The following GATA6 variants were observed in gnomAD, a reference collection of about 807,000 sequenced individuals.
The protein encoded by GATA6 is transcription factor GATA-6.
Under a neutral mutation model 48.1 loss-of-function variants are expected in GATA6, and 11 were observed. The ratio of observed to expected loss-of-function variants is 0.23; its 90% CI spans 0.14 to 0.38. GATA6 has a LOEUF of 0.38. Ranked by LOEUF, GATA6 falls within the 10% of genes least tolerant of loss-of-function variation. GATA6 has a pLI of 1.00. For synonymous variants in GATA6, 419 were observed against 396.1 expected (o/e 1.06, Z -0.69); for missense variants, 795 against 850.3 (o/e 0.93, Z 0.81).
intron 6 of GATA6, 23 bp from the exon 7 acceptor site, chr18:22,200,633 T>A (rs771064620): frequency 6.2e-7 from 1 of 1,614,214 alleles, no homozygotes; most frequent in Non-Finnish European, 8.5e-7. Flanking sequence ...TCGTCTCTCC[T>A]CTGTGTCCCC....
intron 6 of GATA6, among the ~76,000 whole-genome samples, chr18:22,194,021 C>CT (rs142251544): frequency 0.019 from 2,827 of 151,658 alleles, 92 homozygotes; most frequent in African/African-American, 0.065. Context: ...AATCAGAAAT[C>CT]TTTGACTTTT....
intron 6 of GATA6, 61 bp downstream of exon 6, chr18:22,183,104 A>C: frequency 4.7e-6 from 6 of 1,280,488 alleles, no homozygotes; most frequent in Non-Finnish European, 6.8e-6. Flanking sequence ...AAATTATCTC[A>C]AATTTTATCT....
chr18:22,187,791 G>A (rs1347050493), intron 6 of GATA6, among the ~76,000 whole-genome samples: 9 of 151,908 alleles, frequency 5.9e-5, no homozygotes, highest in Admixed American at 4.6e-4. Flanking sequence ...TTTGTAATAG[G>A]AGGGATTAAC....
At chr18:22,177,944 GTTTTTTTGTTTTT>G (rs1234118523) in intron 3 of GATA6, among the ~76,000 whole-genome samples, 11 of 77,886 alleles carry the variant, frequency 1.4e-4, no homozygotes, top group African/African-American at 6.9e-4. Flanking sequence ...ACGTTTTACT[GTTTTTTTGTTTTT>G]TTTTTTTTTT....
At chr18:22,179,051 A>C (rs1213513930) in intron 3 of GATA6, among the ~76,000 whole-genome samples, 1 of 152,220 alleles carries the variant, frequency 6.6e-6, no homozygotes, top group Non-Finnish European at 1.5e-5. Context: ...TGTACCAGTA[A>C]AAATAACTTA....
chr18:22,177,151 GCGGCCGGCCCCGGGCTCTCCTGGCC>G (rs754976309), intron 3 of GATA6, 30 bp downstream of exon 3: 39 of 1,534,514 alleles, frequency 2.5e-5, no homozygotes, highest in African/African-American at 2.3e-4. Flanking sequence ...CCCCTGGCTC[GCGGCCGGCCCCGGGCTCTCCTGGCC>G]CGGCCGGCCC....
chr18:22,173,925 G>A (rs528438996), intron 2 of GATA6, among the ~76,000 whole-genome samples: 1 of 152,348 alleles, frequency 6.6e-6, no homozygotes, highest in East Asian at 1.9e-4. Context: ...GTGAGCCACC[G>A]CGCCCAGCGA....
Position 22,182,862 on chromosome 18 carries a change from A to T in GATA6, c.1516+18A>T. 1 of 1,606,304 alleles carries T rather than the reference A, an allele frequency of 6.2e-7. No individual in the cohort carries two copies. The highest frequency in any genetic ancestry group is 1.3e-5 in the African/African-American group (1 of 74,882). On this transcript the variant is annotated intron_variant, in intron 5 of 6. Transcript: ENST00000269216. ...TTGCTCTGGTAAATATACTAAAATGACGTTTGACTGTAAAGTATTTGCCAA... is the reference window on the plus strand; with the variant it reads ...TTGCTCTGGTAAATATACTAAAATGTCGTTTGACTGTAAAGTATTTGCCAA...
chr18:22,188,975 T>G (rs1426296939), intron 6 of GATA6, among the ~76,000 whole-genome samples: 1 of 152,222 alleles, frequency 6.6e-6, no homozygotes, highest in East Asian at 1.9e-4. Context: ...TGGTGATATA[T>G]AACTTCCACA....
At chr18:22,179,499 G>T (rs1446398534) in intron 3 of GATA6, among the ~76,000 whole-genome samples, 1 of 152,172 alleles carries the variant, frequency 6.6e-6, no homozygotes, top group Non-Finnish European at 1.5e-5. Flanking sequence ...CAGTCATAAA[G>T]TCCTTTGTTA....
chr18:22,186,054 A>T (rs1033119528), intron 6 of GATA6, among the ~76,000 whole-genome samples: 1 of 152,210 alleles, frequency 6.6e-6, no homozygotes, highest in African/African-American at 2.4e-5. Context: ...GGTGAAGAAA[A>T]TATCAGATCC....
chr18:22,195,605 A>T (rs2143333471), intron 6 of GATA6, among the ~76,000 whole-genome samples: 1 of 152,354 alleles, frequency 6.6e-6, no homozygotes, highest in South Asian at 2.1e-4. Context: ...ATAGATGGCT[A>T]ATAGACTTGG....
intron 6 of GATA6, among the ~76,000 whole-genome samples, chr18:22,198,999 A>G (rs2033423896): frequency 6.6e-6 from 1 of 152,146 alleles, no homozygotes; most frequent in African/African-American, 2.4e-5. Flanking sequence ...CTGCTGGGAA[A>G]GGGAAGGAGT....
intron 6 of GATA6, among the ~76,000 whole-genome samples, chr18:22,188,321 T>C (rs1317710374): frequency 6.6e-6 from 1 of 152,160 alleles, no homozygotes; most frequent in Admixed American, 6.5e-5. Context: ...TAGATGTAGA[T>C]CTTACTACTG....
chr18:22,194,411 G>T (rs1568007080), intron 6 of GATA6, among the ~76,000 whole-genome samples: 1 of 152,216 alleles, frequency 6.6e-6, no homozygotes, highest in Non-Finnish European at 1.5e-5. Flanking sequence ...TGATCAGGGA[G>T]AGAGCAGGGA....
chr18:22,173,744 C>T (rs987038546), intron 2 of GATA6, among the ~76,000 whole-genome samples: 2 of 152,170 alleles, frequency 1.3e-5, no homozygotes, highest in Non-Finnish European at 2.9e-5. Flanking sequence ...CGGGTTCAAG[C>T]GATTCTCCTG....
Position 22,182,849 on chromosome 18 carries a change from A to G in GATA6, c.1516+5A>G, listed in dbSNP as rs776198012. ...ATAAATCAAAGACTTGCTCTGGTAA[A>G]TATACTAAAATGACGTTTGACTGTA... is the stretch of plus-strand genomic sequence containing the variant. On this transcript the variant is annotated splice_donor_5th_base_variant and intron_variant, in intron 5 of 6. Coordinates refer to ENST00000269216, the MANE Select transcript of GATA6 (RefSeq NM_005257.6). 6.2e-7 allele frequency: 1 copy of G among 1,610,452 alleles called. No individual in the cohort carries two copies. Among genetic ancestry groups the G allele is most frequent in the Admixed American group, 1.7e-5 (1 of 60,016 alleles).
intron 6 of GATA6, among the ~76,000 whole-genome samples, chr18:22,191,032 C>CGTGTGTGTGTGT (rs57925913): frequency 6.6e-5 from 8 of 121,164 alleles, no homozygotes; most frequent in Admixed American, 9.2e-5. Context: ...TTTTAAATCT[C>CGTGTGTGTGTGT]GTGTGTGTGT....
chr18:22,190,827 T>C (rs1030018908), intron 6 of GATA6, among the ~76,000 whole-genome samples: 1 of 152,206 alleles, frequency 6.6e-6, no homozygotes, highest in Non-Finnish European at 1.5e-5. Flanking sequence ...TGGCATTTTA[T>C]CTTCATGCTC....
Sources: allele counts gnomAD v4.1 joint callset (sites outside exome capture counted in the v4.1 genomes callset), GRCh38; gene constraint gnomAD v4.1.1; transcripts MANE v1.5; gene names NCBI Gene and HGNC (gene_info 2026-07-23, HGNC 2026-07-21).